Variants in TNNI3K observed in about 807,000 individuals in gnomAD.
TNNI3K encodes TNNI3 interacting kinase.
Under a neutral mutation model 114.5 loss-of-function variants are expected in TNNI3K, and 140 were observed. The ratio of observed to expected loss-of-function variants is 1.22; its 90% CI spans 1.07 to 1.41. The LOEUF (loss-of-function observed/expected upper bound fraction) is 1.41, where lower values mean the gene tolerates loss of function less well. Among genes scored for constraint, TNNI3K ranks in the 40% most tolerant of loss-of-function variants. The probability of loss-of-function intolerance (pLI) is 0.00; values close to 1 mark genes in which losing one functional copy is unlikely to be tolerated. For missense variants in TNNI3K, 1,125 were observed against 1,007.6 expected (o/e 1.12, Z -1.58); for synonymous variants, 347 against 347.5 (o/e 1.00, Z 0.02).
chr1:74,262,068 T>C (rs2100873320), intron 4 of TNNI3K, among the ~76,000 whole-genome samples: 1 of 152,172 alleles, frequency 6.6e-6, no homozygotes, highest in African/African-American at 2.4e-5. Flanking sequence ...ACTTTTTTTT[T>C]CCTCCTTAGC....
At position 74,353,976 on chromosome 1, in the gene TNNI3K, A is replaced by G; in HGVS notation, c.1028-4A>G. On this transcript the variant is annotated splice_polypyrimidine_tract_variant and splice_region_variant and intron_variant, in intron 10 of 24. Coordinates refer to ENST00000326637, the MANE Select transcript of TNNI3K (RefSeq NM_015978.3). ...TTTGTTCTTTCAATTCTTTTCTATT[A>G]CAGGATTACACTCTGCTTGCTACCA... 6.3e-7 allele frequency: 1 copy of G among 1,598,178 alleles called. No homozygotes were observed. Among genetic ancestry groups the G allele is most frequent in the Non-Finnish European group, 8.5e-7 (1 of 1,174,314 alleles).
Position 74,235,414 on chromosome 1 carries a change from G to A in TNNI3K, c.-38G>A, listed in dbSNP as rs202085754. 4.8e-6 allele frequency: 7 copies of A among 1,446,024 alleles called. No individual in the cohort carries two copies. In the African/African-American group the frequency reaches 5.8e-5, roughly 12 times the overall value. 89.6% of individuals were successfully genotyped at this position (1,446,024 alleles called of 1,614,324 possible). ...ACTTGAACTTGGAATCTTATAACTT[G>A]AAGAACTGCCCTGGAGAAAGGAAGA... On this transcript the variant is annotated 5_prime_UTR_variant, in exon 1 of 25. Coordinates refer to ENST00000326637, the MANE Select transcript of TNNI3K (RefSeq NM_015978.3).
At chr1:74,434,528 A>C (rs17095308) in intron 17 of TNNI3K, among the ~76,000 whole-genome samples, 13,488 of 151,824 alleles carry the variant, frequency 0.089, 865 homozygotes, top group African/African-American at 0.17. Context: ...CTGTTCTTCA[A>C]AGCCCACTTC....
At chr1:74,451,688 TTTCTTTCTTTCTTTC>T (rs1221457456) in intron 20 of TNNI3K, among the ~76,000 whole-genome samples, 14 of 34,360 alleles carry the variant, frequency 4.1e-4, no homozygotes, top group South Asian at 3.8e-3. Flanking sequence ...TTTTCTTTTC[TTTCTTTCTTTCTTTC>T]TTTCTTTCTT....
intron 17 of TNNI3K, among the ~76,000 whole-genome samples, chr1:74,408,120 C>T (rs2100605381): frequency 2.0e-5 from 3 of 152,308 alleles, no homozygotes; most frequent in Middle Eastern, 6.8e-3. Flanking sequence ...AATATCACCA[C>T]ATACTTAATA....
rs536261540 is a variant in TNNI3K, at chr1:74,353,953, T to A, written c.1028-27T>A. The A allele has an allele frequency of 6.3e-6, 10 of 1,585,932 alleles. No homozygotes were observed. In the African/African-American group the frequency reaches 1.4e-4, roughly 22 times the overall value. On this transcript the variant is annotated intron_variant, in intron 10 of 24. Transcript: ENST00000326637. ...GAGCAGTTTTTCTTTTTTCTCCTTT[T>A]GTTCTTTCAATTCTTTTCTATTACA...
At chr1:74,268,783 G>A (rs1656170995) in intron 4 of TNNI3K, among the ~76,000 whole-genome samples, 1 of 151,746 alleles carries the variant, frequency 6.6e-6, no homozygotes, top group Non-Finnish European at 1.5e-5. Context: ...CTTATATGCA[G>A]CTCAAATTTA....
intron 2 of TNNI3K, chr1:74,240,611 C>A (rs775139010): frequency 2.6e-5 from 4 of 152,050 alleles, no homozygotes; most frequent in Non-Finnish European, 5.9e-5. Context: ...CATGTGACTT[C>A]AAATGTTTTC....
At position 74,518,878 on chromosome 1, in the gene TNNI3K, T is replaced by A. The variant is rs1305532844; in HGVS notation, c.2352-21356T>A. ...TTTTATTTTATTTTTTTTCCCCTTTTTTTTTTTTTTTTTTTTATTATACTC... is the reference window on the plus strand; with the variant it reads ...TTTTATTTTATTTTTTTTCCCCTTTATTTTTTTTTTTTTTTTATTATACTC... On this transcript the variant is annotated intron_variant, in intron 23 of 24. Coordinates refer to ENST00000326637, the MANE Select transcript of TNNI3K (RefSeq NM_015978.3). 5.2e-4 allele frequency among the ~76,000 whole-genome samples: 57 copies of A among 109,900 alleles called. 6 individuals carry two copies. The highest frequency in any genetic ancestry group is 3.8e-3 in the African/African-American group (54 of 14,238). The allele number at this position is 109,900 out of a possible 152,430, so 72.1% of individuals were successfully genotyped here.
chr1:74,303,328 A>AT (rs1428037051), intron 5 of TNNI3K, among the ~76,000 whole-genome samples: 6 of 151,512 alleles, frequency 4.0e-5, no homozygotes, highest in East Asian at 3.9e-4. Flanking sequence ...ATGCCCAGAT[A>AT]TTTTTTTTCT....
At chr1:74,286,480 G>A (rs1657340911) in intron 5 of TNNI3K, among the ~76,000 whole-genome samples, 1 of 152,114 alleles carries the variant, frequency 6.6e-6, no homozygotes, top group Middle Eastern at 3.2e-3. Context: ...GGCTACTAGG[G>A]ACTAGAGTTC....
At chr1:74,243,044 G>A (rs2100833187) in intron 2 of TNNI3K, among the ~76,000 whole-genome samples, 1 of 152,018 alleles carries the variant, frequency 6.6e-6, no homozygotes, top group East Asian at 1.9e-4. Flanking sequence ...TAATATCAAT[G>A]CCTTAATAGA....
rs1669994331 is a variant in TNNI3K, at chr1:74,508,044, T to C, written c.2351+15778T>C. On this transcript the variant is annotated intron_variant, in intron 23 of 24. Coordinates refer to ENST00000326637, the MANE Select transcript of TNNI3K (RefSeq NM_015978.3). ...TGTATTATAATGCAATGTGATTGTA[T>C]ACAATGACGGGCACACGACTCTAGT... Among the ~76,000 whole-genome samples, 9 of 152,300 alleles carry C rather than the reference T, an allele frequency of 5.9e-5. No homozygotes were observed. The South Asian group carries it at 1.9e-3, about 32-fold the overall frequency.
intron 17 of TNNI3K, among the ~76,000 whole-genome samples, chr1:74,428,871 G>C (rs574666880): frequency 6.6e-6 from 1 of 152,082 alleles, no homozygotes; most frequent in South Asian, 2.1e-4. Context: ...GGAGTTCGAG[G>C]TTACAGTGAG....
At chr1:74,314,037 A>G (rs1659147274) in intron 5 of TNNI3K, among the ~76,000 whole-genome samples, 1 of 144,150 alleles carries the variant, frequency 6.9e-6, no homozygotes, top group African/African-American at 2.6e-5. Context: ...CTGACAGGAG[A>G]AAGTTCATTA....
intron 17 of TNNI3K, chr1:74,377,053 G>A (rs532281663): frequency 2.6e-5 from 4 of 152,066 alleles, no homozygotes; most frequent in South Asian, 2.1e-4. Flanking sequence ...TGGGGCCTAC[G>A]TATCATATTT....
In TNNI3K at chr1:74,378,902, G is replaced by A. The variant is rs1484174635; in HGVS notation, c.1772+8510G>A. On this transcript the variant is annotated intron_variant, in intron 17 of 24. Transcript: ENST00000326637. ...ACAGGTAATAGGTGTCTGAGTAATG[G>A]TTATAATTAAGAAGGCTGATCTGGA... 4 of 151,418 alleles carry A rather than the reference G, an allele frequency of 2.6e-5. No individual in the cohort carries two copies. In the East Asian group the frequency reaches 7.8e-4, roughly 30 times the overall value. The allele number at this position is 151,418 out of a possible 1,614,324, so 9.4% of individuals were successfully genotyped here.
intron 17 of TNNI3K, among the ~76,000 whole-genome samples, chr1:74,404,024 C>T (rs1241986521): frequency 6.6e-6 from 1 of 152,064 alleles, no homozygotes; most frequent in Non-Finnish European, 1.5e-5. Context: ...CCACTGCCCA[C>T]CCCAATGTCC....
intron 23 of TNNI3K, among the ~76,000 whole-genome samples, chr1:74,525,777 G>A (rs1017793122): frequency 5.9e-5 from 9 of 152,234 alleles, no homozygotes; most frequent in East Asian, 5.8e-4. Context: ...TACAGAAGCC[G>A]GGAGCAGCAG....
Sources: allele counts gnomAD v4.1 joint callset (sites outside exome capture counted in the v4.1 genomes callset), GRCh38; gene constraint gnomAD v4.1.1; transcripts MANE v1.5; gene names NCBI Gene and HGNC (gene_info 2026-07-23, HGNC 2026-07-21).